PHACTR1: variants seen among roughly 807,000 people sequenced by gnomAD.
PHACTR1 encodes phosphatase and actin regulator 1.
In PHACTR1, 16 loss-of-function variants were observed where a neutral mutation model predicts 69.2. The observed-to-expected ratio is 0.23, with a 90% CI of 0.16 to 0.35. The LOEUF (loss-of-function observed/expected upper bound fraction) is 0.35. Ranked by LOEUF, PHACTR1 falls within the 10% of genes least tolerant of loss-of-function variation. The pLI is 1.00. For missense variants in PHACTR1, 510 were observed against 734.7 expected (o/e 0.69, Z 3.54); for synonymous variants, 312 against 284.5 (o/e 1.10, Z -0.97).
intron 13 of PHACTR1, 138 bp from the exon 14 acceptor site, chr6:13,286,008 T>A: frequency 1.5e-6 from 1 of 682,656 alleles, no homozygotes; most frequent in Non-Finnish European, 2.4e-6. Flanking sequence ...TGATTTTTCT[T>A]CCTCCCAATG....
intron 4 of PHACTR1, among the ~76,000 whole-genome samples, chr6:12,877,075 A>G (rs1414778648): frequency 1.3e-5 from 2 of 152,256 alleles, no homozygotes; most frequent in East Asian, 3.8e-4. Flanking sequence ...TCTACATTAC[A>G]GAATCCACTC....
chr6:12,856,998 G>C (rs1344909968), intron 4 of PHACTR1, among the ~76,000 whole-genome samples: 1 of 152,158 alleles, frequency 6.6e-6, no homozygotes, highest in East Asian at 1.9e-4. Flanking sequence ...GAAACGGGGG[G>C]TTATTCTGTT....
At chr6:13,101,539 G>A (rs1381265204) in intron 5 of PHACTR1, among the ~76,000 whole-genome samples, 1 of 152,124 alleles carries the variant, frequency 6.6e-6, no homozygotes, top group East Asian at 1.9e-4. Context: ...TACCACTTTT[G>A]CAATAAACCT....
chr6:12,831,015 G>C (rs1310451391), intron 4 of PHACTR1, among the ~76,000 whole-genome samples: 2 of 152,100 alleles, frequency 1.3e-5, no homozygotes, highest in East Asian at 3.8e-4. Context: ...ACTATCAACT[G>C]AACTGTGTGC....
At chr6:12,740,631 C>T (rs1328454459) in intron 3 of PHACTR1, among the ~76,000 whole-genome samples, 1 of 152,070 alleles carries the variant, frequency 6.6e-6, no homozygotes, top group Non-Finnish European at 1.5e-5. Flanking sequence ...TTTACATATT[C>T]TGGTTATAAG....
intron 5 of PHACTR1, among the ~76,000 whole-genome samples, chr6:13,154,545 T>G (rs1027029508): frequency 3.9e-5 from 6 of 152,156 alleles, no homozygotes; most frequent in African/African-American, 1.4e-4. Context: ...TCCTTCTGAC[T>G]TTATTTTTTT....
chr6:13,104,366 G>T (rs909638595), intron 5 of PHACTR1, among the ~76,000 whole-genome samples: 2 of 152,176 alleles, frequency 1.3e-5, no homozygotes, highest in Non-Finnish European at 2.9e-5. Context: ...TCATACCTGT[G>T]TGTGTGTTGA....
chr6:13,159,215 G>A (rs1268571822), intron 5 of PHACTR1, among the ~76,000 whole-genome samples: 1 of 152,204 alleles, frequency 6.6e-6, no homozygotes, highest in Non-Finnish European at 1.5e-5. Flanking sequence ...TGGTGGAGGT[G>A]CACTGGGTAA....
chr6:12,836,313 AT>A (rs1778154624), intron 4 of PHACTR1, among the ~76,000 whole-genome samples: 1 of 152,070 alleles, frequency 6.6e-6, no homozygotes, highest in African/African-American at 2.4e-5. Flanking sequence ...ATGGAATAAG[AT>A]TTTCTTTTTC....
chr6:13,080,337 G>A (rs1300009761), intron 5 of PHACTR1, among the ~76,000 whole-genome samples: 1 of 152,146 alleles, frequency 6.6e-6, no homozygotes, highest in Non-Finnish European at 1.5e-5. Context: ...CTAGAGTCTT[G>A]TTGAGCATGA....
intron 4 of PHACTR1, among the ~76,000 whole-genome samples, chr6:12,825,501 A>T (rs1484808327): frequency 1.3e-5 from 2 of 152,230 alleles, no homozygotes; most frequent in Non-Finnish European, 1.5e-5. Context: ...GAATAAGTTA[A>T]TTTAAAAACC....
intron 4 of PHACTR1, among the ~76,000 whole-genome samples, chr6:13,000,765 G>T (rs1296313088): frequency 6.6e-6 from 1 of 152,128 alleles, no homozygotes; most frequent in African/African-American, 2.4e-5. Context: ...GTCACCATTT[G>T]TTACCTTAGA....
intron 4 of PHACTR1, among the ~76,000 whole-genome samples, chr6:12,883,130 T>TC (rs983186904): frequency 4.6e-5 from 7 of 151,602 alleles, no homozygotes; most frequent in Admixed American, 2.6e-4. Flanking sequence ...GACAAGAGGA[T>TC]CCCCCCACCC....
intron 3 of PHACTR1, among the ~76,000 whole-genome samples, chr6:12,729,182 C>T (rs755988885): frequency 3.3e-5 from 5 of 152,096 alleles, no homozygotes; most frequent in African/African-American, 4.8e-5. Context: ...TTTGGAGACA[C>T]GAAACAGCCT....
At chr6:13,107,759 T>G (rs1460903235) in intron 5 of PHACTR1, among the ~76,000 whole-genome samples, 1 of 152,140 alleles carries the variant, frequency 6.6e-6, no homozygotes, top group Non-Finnish European at 1.5e-5. Flanking sequence ...TTTAAAATTA[T>G]CTTTTATTCA....
At chr6:12,847,739 A>G (rs944757759) in intron 4 of PHACTR1, among the ~76,000 whole-genome samples, 6 of 152,172 alleles carry the variant, frequency 3.9e-5, no homozygotes, top group Non-Finnish European at 5.9e-5. Context: ...AAACTATTTA[A>G]AAAGTGCTAC....
rs75447267 is a variant in PHACTR1, at chr6:13,282,543, T to C, written c.1510-879T>C. On this transcript the variant is annotated intron_variant, in intron 12 of 14. Coordinates refer to ENST00000332995, the MANE Select transcript of PHACTR1 (RefSeq NM_030948.6). ...TTTCTGTACTTACTCAACTCCGCAT[T>C]TGTTGACTGACCTTCCCCTTGAACT... Among the ~76,000 whole-genome samples the C allele has an allele frequency of 3.7e-3, 568 of 152,266 alleles. 2 individuals carry two copies. The highest frequency in any genetic ancestry group is 6.4e-3 in the Non-Finnish European group (432 of 68,020).
At chr6:13,027,624 T>C (rs961601713) in intron 4 of PHACTR1, among the ~76,000 whole-genome samples, 7 of 152,208 alleles carry the variant, frequency 4.6e-5, no homozygotes, top group Non-Finnish European at 1.0e-4. Flanking sequence ...AATGAGATGT[T>C]TTCCAAAATG....
At chr6:13,262,628 G>A (rs989763123) in intron 10 of PHACTR1, among the ~76,000 whole-genome samples, 1 of 152,130 alleles carries the variant, frequency 6.6e-6, no homozygotes, top group African/African-American at 2.4e-5. Flanking sequence ...AATCCTCATG[G>A]AACTCATAGG....
Sources: gnomAD v4.1 joint callset for allele counts (sites outside exome capture counted in the v4.1 genomes callset) on GRCh38, gnomAD v4.1.1 for gene constraint, MANE v1.5 for transcripts, NCBI Gene and HGNC (gene_info 2026-07-23, HGNC 2026-07-21) for gene names.